Variants in BABAM2 observed in about 807,000 individuals in gnomAD.
BABAM2 encodes BRISC and BRCA1 A complex member 2.
BABAM2 carries 31 observed loss-of-function variants against 54.7 expected under a neutral mutation model. The observed-to-expected ratio is 0.57, with a 90% CI of 0.43 to 0.77. The LOEUF is 0.77. BABAM2 is among the 30% of genes least tolerant of loss of function. BABAM2 has a pLI of 0.00. For synonymous variants in BABAM2, 167 were observed against 162.9 expected (o/e 1.03, Z -0.19); for missense variants, 364 against 455.8 (o/e 0.80, Z 1.83).
intron 3 of BABAM2, among the ~76,000 whole-genome samples, chr2:27,933,379 A>G (rs1035563112): frequency 1.3e-5 from 2 of 152,152 alleles, no homozygotes; most frequent in Non-Finnish European, 2.9e-5. Context: ...AGCAGCTCAC[A>G]GCCAAATAAA....
chr2:27,992,063 G>A lies in BABAM2; in HGVS notation c.300+3976G>A, dbSNP rs138721217. 3.5e-3 allele frequency among the ~76,000 whole-genome samples: 533 copies of A among 152,272 alleles called. 1 individual carries two copies. The highest frequency in any genetic ancestry group is 0.012 in the African/African-American group (509 of 41,558). ...TTATAGCCATCCTAGTGGGTATGAA[G>A]TGGTATCTCATACCCACAAATGAAG... On this transcript the variant is annotated intron_variant, in intron 4 of 11. Coordinates refer to ENST00000379624, the MANE Select transcript of BABAM2 (RefSeq NM_199191.3).
intron 3 of BABAM2, among the ~76,000 whole-genome samples, chr2:27,939,969 C>T (rs1323779960): frequency 6.6e-6 from 1 of 152,158 alleles, no homozygotes; most frequent in African/African-American, 2.4e-5. Flanking sequence ...AGGTCTTTTA[C>T]TGTGAAGAGA....
At chr2:28,069,888 T>A (rs1322801494) in intron 6 of BABAM2, among the ~76,000 whole-genome samples, 1 of 152,212 alleles carries the variant, frequency 6.6e-6, no homozygotes, top group Non-Finnish European at 1.5e-5. Flanking sequence ...GTATGTTTCT[T>A]TTTTGAGATA....
At chr2:28,164,955 T>C (rs940452534) in intron 7 of BABAM2, among the ~76,000 whole-genome samples, 1 of 152,222 alleles carries the variant, frequency 6.6e-6, no homozygotes, top group African/African-American at 2.4e-5. Flanking sequence ...ACCACTGTAC[T>C]AGGTATCAAA....
chr2:28,129,344 T>G lies in BABAM2; in HGVS notation c.644T>G (p.Val215Gly), dbSNP rs201050165. 6.2e-7 allele frequency: 1 copy of G among 1,614,206 alleles called. No homozygotes were observed. The highest frequency in any genetic ancestry group is 2.2e-5 in the East Asian group (1 of 44,890). The stretch of plus-strand genomic sequence containing the variant: ...TTTGAGGACACTGAAGCCACCCAGG[T>G]GTACCCCAAGCTGTACTTGTCACCT... ...VSFEDTEATQ[V>G]YPKLYLSPRI... The change falls in exon 7 of 12, where the codon GTG (valine) becomes GGG (glycine). Residue 215 changes from valine (V) to glycine (G), a missense_variant. Val to Gly is a moderately radical substitution (Grantham distance 109). Coordinates refer to ENST00000379624, the MANE Select transcript of BABAM2 (RefSeq NM_199191.3).
intron 7 of BABAM2, among the ~76,000 whole-genome samples, chr2:28,145,989 C>T (rs953681828): frequency 2.0e-5 from 3 of 152,180 alleles, no homozygotes; most frequent in African/African-American, 7.2e-5. Context: ...AGGTAGTAGA[C>T]ATTTGGATTG....
intron 3 of BABAM2, among the ~76,000 whole-genome samples, chr2:27,968,355 G>A (rs559962986): frequency 5.9e-5 from 9 of 152,340 alleles, no homozygotes; most frequent in Non-Finnish European, 1.2e-4. Context: ...TTGAGCCTGC[G>A]AGTGCACAGA....
At chr2:28,103,175 T>A (rs1193908791) in intron 6 of BABAM2, among the ~76,000 whole-genome samples, 1 of 152,090 alleles carries the variant, frequency 6.6e-6, no homozygotes, top group East Asian at 1.9e-4. Flanking sequence ...AGTAAGCTTC[T>A]CAAAGTTCTA....
At chr2:28,040,294 C>CTTTTTTTTTTATTTTTTTTTTTT (rs1676970969) in intron 5 of BABAM2, among the ~76,000 whole-genome samples, 1 of 59,470 alleles carries the variant, frequency 1.7e-5, no homozygotes, top group Non-Finnish European at 3.0e-5. Flanking sequence ...AAACTGAATT[C>CTTTTTTTTTTATTTTTTTTTTTT]TTTTTTTTTT....
At chr2:28,156,621 A>G (rs2147795884) in intron 7 of BABAM2, among the ~76,000 whole-genome samples, 1 of 152,296 alleles carries the variant, frequency 6.6e-6, no homozygotes, top group African/African-American at 2.4e-5. Flanking sequence ...AGACTTTTAG[A>G]AAGGAATATT....
intron 4 of BABAM2, among the ~76,000 whole-genome samples, chr2:27,991,625 G>C (rs1160532847): frequency 6.6e-6 from 1 of 152,100 alleles, no homozygotes; most frequent in East Asian, 1.9e-4. Flanking sequence ...GCCTATTCTG[G>C]ACATTACATA....
At chr2:28,065,877 A>G (rs770264461) in intron 6 of BABAM2, among the ~76,000 whole-genome samples, 1 of 151,526 alleles carries the variant, frequency 6.6e-6, no homozygotes, top group Non-Finnish European at 1.5e-5. Context: ...GCGGTAGCTC[A>G]TGCCTGTAAT....
At chr2:28,099,207 G>C (rs552937927) in intron 6 of BABAM2, among the ~76,000 whole-genome samples, 1 of 152,268 alleles carries the variant, frequency 6.6e-6, no homozygotes, top group Non-Finnish European at 1.5e-5. Flanking sequence ...AATTAATTTT[G>C]ATAGTAAACT....
intron 2 of BABAM2, among the ~76,000 whole-genome samples, chr2:27,898,180 T>C (rs1055049522): frequency 3.9e-5 from 6 of 152,216 alleles, no homozygotes; most frequent in Non-Finnish European, 4.4e-5. Context: ...TGCATTGTGC[T>C]CATCTCTTTT....
At chr2:28,048,472 T>G (rs1252418427) in intron 6 of BABAM2, among the ~76,000 whole-genome samples, 1 of 152,226 alleles carries the variant, frequency 6.6e-6, no homozygotes, top group Non-Finnish European at 1.5e-5. Flanking sequence ...AAGGGTCAGA[T>G]GAATCACTAA....
chr2:27,921,971 T>C (rs746428100), intron 2 of BABAM2, among the ~76,000 whole-genome samples: 2 of 152,164 alleles, frequency 1.3e-5, no homozygotes, highest in South Asian at 4.1e-4. Context: ...GGAGTCAAGA[T>C]ATATGCATTC....
At chr2:28,075,557 CAT>C (rs1491545485) in intron 6 of BABAM2, among the ~76,000 whole-genome samples, 12 of 147,528 alleles carry the variant, frequency 8.1e-5, no homozygotes, top group Non-Finnish European at 1.5e-4. Flanking sequence ...TTTCTCTGTG[CAT>C]GTGTGTGTGT....
intron 6 of BABAM2, among the ~76,000 whole-genome samples, chr2:28,072,329 C>T (rs371864818): frequency 3.7e-4 from 56 of 152,030 alleles, no homozygotes; most frequent in African/African-American, 8.0e-4. Flanking sequence ...CACACCACCA[C>T]GCCCAGCTAA....
chr2:28,209,673 T>C (rs1470824587), intron 7 of BABAM2, among the ~76,000 whole-genome samples: 1 of 152,156 alleles, frequency 6.6e-6, no homozygotes, highest in Non-Finnish European at 1.5e-5. Flanking sequence ...CGTCCAGCCA[T>C]TGAGAGTTCT....
Sources: gnomAD v4.1 joint callset for allele counts (sites outside exome capture counted in the v4.1 genomes callset) on GRCh38, gnomAD v4.1.1 for gene constraint, MANE v1.5 for transcripts, NCBI Gene and HGNC (gene_info 2026-07-23, HGNC 2026-07-21) for gene names.